The following BTBD7 variants were observed in gnomAD, a reference collection of about 807,000 sequenced individuals.
BTBD7 encodes BTB/POZ domain-containing protein 7.
In BTBD7, 38 loss-of-function variants were observed where a neutral mutation model predicts 99.9. The ratio of observed to expected loss-of-function variants is 0.38; its 90% confidence interval spans 0.29 to 0.50. The LOEUF is 0.50. BTBD7 is among the 20% of genes least tolerant of loss of function. BTBD7 has a pLI of 0.93. For synonymous variants in BTBD7, 520 were observed against 511.4 expected, an observed-to-expected ratio of 1.02 and a Z score of -0.23; for missense variants, 1,170 against 1,394.6, an observed-to-expected ratio of 0.84 and a Z score of 2.57.
chr14:93,276,136 A>G (rs999754917), intron 3 of BTBD7, among the ~76,000 whole-genome samples: 2 of 152,202 alleles, frequency 1.3e-5, no homozygotes, highest in African/African-American at 4.8e-5. Flanking sequence ...GAATTGATTG[A>G]GCTTGGGAGG....
chr14:93,321,463 C>T lies in BTBD7; in HGVS notation c.-107+11357G>A, dbSNP rs137904209. On this transcript the variant is annotated intron_variant, in intron 1 of 10. Coordinates refer to ENST00000334746, the MANE Select transcript of BTBD7 (RefSeq NM_001002860.4). ...CAAAAATTAGCTGGACGTGGTGGTG[C>T]GTGCCTGTAATCCCAGCTGCTCGGG... Among the ~76,000 whole-genome samples the T allele has an allele frequency of 1.9e-3, 287 of 152,198 alleles. 2 individuals carry two copies. In the East Asian group the frequency reaches 0.035, roughly 18 times the overall value.
chr14:93,285,877 G>C (rs2052771322), intron 3 of BTBD7, among the ~76,000 whole-genome samples: 1 of 152,196 alleles, frequency 6.6e-6, no homozygotes, highest in African/African-American at 2.4e-5. Context: ...TTGGCTTAAA[G>C]AGAAAAGGAA....
rs191316651 is a variant in BTBD7 at position 93,253,977 on chromosome 14, G to A, written c.1609-187C>T. 8.0e-4 allele frequency among the ~76,000 whole-genome samples: 119 copies of A among 149,586 alleles called. 2 individuals carry two copies. The highest frequency in any genetic ancestry group is 6.3e-3 in the Admixed American group (95 of 14,982). ...TTTTTTGAGACAGAGTCTCACTGTC[G>A]CCCCGGCTGGAGTGCAGTGGCGTGA... On this transcript the variant is annotated intron_variant, in intron 6 of 10. Coordinates refer to ENST00000334746, the MANE Select transcript of BTBD7 (RefSeq NM_001002860.4).
At chr14:93,311,969 A>G (rs1199716611) in intron 1 of BTBD7, among the ~76,000 whole-genome samples, 3 of 152,060 alleles carry the variant, frequency 2.0e-5, no homozygotes, top group Non-Finnish European at 4.4e-5. Flanking sequence ...AATAAAAAAA[A>G]AAGATACATC....
At chr14:93,278,466 A>G (rs571606125) in intron 3 of BTBD7, among the ~76,000 whole-genome samples, 13 of 152,282 alleles carry the variant, frequency 8.5e-5, no homozygotes, top group Non-Finnish European at 1.8e-4. Flanking sequence ...TTGGTTACAT[A>G]TGATCATGTG....
intron 6 of BTBD7, among the ~76,000 whole-genome samples, chr14:93,254,392 C>A (rs1595289725): frequency 6.6e-6 from 1 of 152,140 alleles, no homozygotes; most frequent in Middle Eastern, 3.4e-3. Context: ...TTAATGAAAA[C>A]CAATTTTTTT....
At chr14:93,298,999 G>C (rs920820092) in intron 1 of BTBD7, among the ~76,000 whole-genome samples, 1 of 152,112 alleles carries the variant, frequency 6.6e-6, no homozygotes, top group African/African-American at 2.4e-5. Context: ...TCTCTTCCTG[G>C]TAGCTCCTGG....
intron 1 of BTBD7, among the ~76,000 whole-genome samples, chr14:93,321,171 A>C (rs923057068): frequency 1.3e-5 from 2 of 152,250 alleles, no homozygotes; most frequent in African/African-American, 4.8e-5. Flanking sequence ...TACTGAGAAG[A>C]ATTTAATCAA....
intron 1 of BTBD7, among the ~76,000 whole-genome samples, chr14:93,297,044 C>A (rs772028514): frequency 6.6e-6 from 1 of 152,082 alleles, no homozygotes; most frequent in Admixed American, 6.5e-5. Flanking sequence ...AATGGGGTAA[C>A]GAGTTTAAGA....
At chr14:93,275,815 T>C (rs1447068275) in intron 3 of BTBD7, among the ~76,000 whole-genome samples, 2 of 152,232 alleles carry the variant, frequency 1.3e-5, no homozygotes, top group African/African-American at 4.8e-5. Flanking sequence ...TACATAACCT[T>C]ATAGGACCAC....
At chr14:93,298,693 T>A (rs889409103) in intron 1 of BTBD7, among the ~76,000 whole-genome samples, 5 of 151,742 alleles carry the variant, frequency 3.3e-5, no homozygotes, top group African/African-American at 1.2e-4. Context: ...TCCCTTTTTT[T>A]AAAAAAAAGC....
intron 3 of BTBD7, among the ~76,000 whole-genome samples, chr14:93,273,823 G>C (rs2052625699): frequency 6.6e-6 from 1 of 152,198 alleles, no homozygotes; most frequent in Admixed American, 6.5e-5. Context: ...TACAGTCCCT[G>C]TTCTGGGAGG....
intron 1 of BTBD7, among the ~76,000 whole-genome samples, chr14:93,307,985 T>C (rs7145189): frequency 0.041 from 6,288 of 152,198 alleles, 428 homozygotes; most frequent in African/African-American, 0.14. Context: ...AGTCTAAGCC[T>C]CTTAGAAGAG....
Position 93,295,861 on chromosome 14 carries a change from AT to A in BTBD7, c.82+108del, listed in dbSNP as rs2052919712. The stretch of plus-strand genomic sequence containing the variant: ...GGGGAAAAAACCTAGATGCTGCAGA[AT>A]TATTATAATAACTACAGCTCACTTC... On this transcript the variant is annotated intron_variant, in intron 2 of 10. Coordinates refer to ENST00000334746, the MANE Select transcript of BTBD7 (RefSeq NM_001002860.4). 8 of 993,748 alleles carry A rather than the reference AT, an allele frequency of 8.1e-6. No homozygotes were observed. In the Admixed American group the frequency reaches 1.6e-4, roughly 20 times the overall value. The allele number at this position is 993,748 out of a possible 1,614,324, so 61.6% of individuals were successfully genotyped here.
intron 1 of BTBD7, among the ~76,000 whole-genome samples, chr14:93,330,364 T>C (rs2053388007): frequency 6.6e-6 from 1 of 152,174 alleles, no homozygotes; most frequent in Admixed American, 6.5e-5. Context: ...ATCTTCACTT[T>C]ACACTCTTGC....
chr14:93,307,070 T>C (rs2053078359), intron 1 of BTBD7, among the ~76,000 whole-genome samples: 1 of 152,204 alleles, frequency 6.6e-6, no homozygotes, highest in African/African-American at 2.4e-5. Flanking sequence ...CTTCCTGACA[T>C]CTCCCACACC....
intron 3 of BTBD7, among the ~76,000 whole-genome samples, chr14:93,267,830 C>A (rs1391902904): frequency 2.0e-5 from 3 of 152,206 alleles, no homozygotes; most frequent in Non-Finnish European, 2.9e-5. Flanking sequence ...TTTTCAGAAC[C>A]TGATACTTTT....
chr14:93,281,223 A>G (rs1222209179), intron 3 of BTBD7, among the ~76,000 whole-genome samples: 2 of 151,406 alleles, frequency 1.3e-5, no homozygotes, highest in Non-Finnish European at 2.9e-5. Flanking sequence ...GCTGATCTCA[A>G]ACTCCTGGAC....
intron 1 of BTBD7, among the ~76,000 whole-genome samples, chr14:93,308,989 AT>A (rs1403252762): frequency 4.6e-5 from 7 of 152,200 alleles, no homozygotes; most frequent in African/African-American, 1.7e-4. Flanking sequence ...GGTAAATGTT[AT>A]GTATTTTTAA....
Sources: gnomAD v4.1 joint callset for allele counts (sites outside exome capture counted in the v4.1 genomes callset) on GRCh38, gnomAD v4.1.1 for gene constraint, MANE v1.5 for transcripts, NCBI Gene and HGNC (gene_info 2026-07-23, HGNC 2026-07-21) for gene names.